The following GSTCD variants were observed in gnomAD, a reference collection of about 807,000 sequenced individuals.
The protein encoded by GSTCD is glutathione S-transferase C-terminal domain-containing protein.
In GSTCD, 44 loss-of-function variants were observed where a neutral mutation model predicts 68.3. The observed-to-expected ratio is 0.64, with a 90% CI of 0.51 to 0.83. The LOEUF (loss-of-function observed/expected upper bound fraction) is 0.83. Among genes scored for constraint, GSTCD ranks in the 40% least tolerant of loss-of-function variants. The probability of loss-of-function intolerance (pLI) is 0.00; values close to 1 mark genes in which losing one functional copy is unlikely to be tolerated. For missense variants in GSTCD, 739 were observed against 735.9 expected (o/e 1.00, Z -0.05); for synonymous variants, 273 against 255.2 (o/e 1.07, Z -0.67).
chr4:105,819,097 T>C (rs1723149802), intron 5 of GSTCD, among the ~76,000 whole-genome samples: 1 of 151,754 alleles, frequency 6.6e-6, no homozygotes, highest in African/African-American at 2.4e-5. Flanking sequence ...CAAGGCCATG[T>C]TTTCGGTAAG....
intron 5 of GSTCD, among the ~76,000 whole-genome samples, chr4:105,759,910 A>G (rs1734337400): frequency 6.6e-6 from 1 of 152,156 alleles, no homozygotes; most frequent in Non-Finnish European, 1.5e-5. Flanking sequence ...TTAGTTCCTC[A>G]AAGCCAATGT....
intron 5 of GSTCD, among the ~76,000 whole-genome samples, chr4:105,741,752 C>T (rs1733637918): frequency 6.6e-6 from 1 of 152,084 alleles, no homozygotes; most frequent in African/African-American, 2.4e-5. Flanking sequence ...ATAATTGGAT[C>T]ATCTTGTTTT....
intron 1 of GSTCD, among the ~76,000 whole-genome samples, chr4:105,714,637 A>AT (rs199647332): frequency 5.5e-4 from 82 of 148,730 alleles, no homozygotes; most frequent in Non-Finnish European, 6.9e-4. Flanking sequence ...AAGGAGAGTA[A>AT]TTTTTTTTTT....
At chr4:105,784,569 T>C (rs1406537855) in intron 5 of GSTCD, among the ~76,000 whole-genome samples, 1 of 152,230 alleles carries the variant, frequency 6.6e-6, no homozygotes, top group Non-Finnish European at 1.5e-5. Context: ...ATAGCATCCA[T>C]TGATGATTGT....
At chr4:105,714,905 G>A (rs535413791) in intron 1 of GSTCD, among the ~76,000 whole-genome samples, 53 of 152,138 alleles carry the variant, frequency 3.5e-4, no homozygotes, top group African/African-American at 8.2e-4. Context: ...GCCTTACAAC[G>A]TGGCAAATAT....
At chr4:105,711,003 A>G (rs1441094350) in intron 1 of GSTCD, 6 of 152,156 alleles carry the variant, frequency 3.9e-5, no homozygotes, top group African/African-American at 1.2e-4. Flanking sequence ...AAAAAATCTC[A>G]GTGTTTTTCT....
At chr4:105,799,741 A>T (rs1213127054) in intron 5 of GSTCD, among the ~76,000 whole-genome samples, 1 of 152,130 alleles carries the variant, frequency 6.6e-6, no homozygotes, top group Non-Finnish European at 1.5e-5. Context: ...AGAATTACCA[A>T]AATGTGACAC....
intron 3 of GSTCD, among the ~76,000 whole-genome samples, chr4:105,725,318 A>G (rs1732995957): frequency 6.6e-6 from 1 of 152,100 alleles, no homozygotes; most frequent in Non-Finnish European, 1.5e-5. Flanking sequence ...ATCTGTGTTC[A>G]GGTTTTTGTG....
At chr4:105,733,210 G>A (rs1733319154) in intron 5 of GSTCD, among the ~76,000 whole-genome samples, 1 of 152,134 alleles carries the variant, frequency 6.6e-6, no homozygotes, top group South Asian at 2.1e-4. Flanking sequence ...TGGTTTGCTT[G>A]GTGTGGAGCT....
Position 105,735,041 on chromosome 4 carries a change from G to A in GSTCD, c.1240+5542G>A, listed in dbSNP as rs147360485. 8.5e-3 allele frequency among the ~76,000 whole-genome samples: 1,289 copies of A among 152,310 alleles called. 17 individuals carry two copies. The highest frequency in any genetic ancestry group is 0.029 in the African/African-American group (1,194 of 41,572). ...TTGCTGCCTGATCATTCCTCTGGAA[G>A]CTTCGTCTCAGAGGGGTACCCGGCC... On this transcript the variant is annotated intron_variant, in intron 5 of 11. Coordinates refer to ENST00000515279, the MANE Select transcript of GSTCD (RefSeq NM_001370181.1).
chr4:105,821,526 A>C (rs1723291096), intron 5 of GSTCD, among the ~76,000 whole-genome samples: 1 of 151,970 alleles, frequency 6.6e-6, no homozygotes, highest in South Asian at 2.1e-4. Flanking sequence ...GTATTGACTT[A>C]AATATTCTTC....
chr4:105,715,257 G>T (rs911818313), intron 1 of GSTCD, among the ~76,000 whole-genome samples: 3 of 152,118 alleles, frequency 2.0e-5, no homozygotes, highest in African/African-American at 7.2e-5. Flanking sequence ...TAGCATAAAG[G>T]TGTTATATTA....
At chr4:105,775,813 G>A (rs889411846) in intron 5 of GSTCD, among the ~76,000 whole-genome samples, 2 of 151,216 alleles carry the variant, frequency 1.3e-5, no homozygotes, top group African/African-American at 4.8e-5. Flanking sequence ...CTCCCAGTCA[G>A]GAGGCACGGT....
At chr4:105,785,802 G>A (rs959356441) in intron 5 of GSTCD, among the ~76,000 whole-genome samples, 7 of 152,006 alleles carry the variant, frequency 4.6e-5, no homozygotes, top group African/African-American at 1.7e-4. Context: ...AAAAGAGAAG[G>A]GAGAAAACTA....
rs776264696 is a variant in GSTCD, at chr4:105,837,890, G to A, written c.1695+1G>A. 3.7e-6 allele frequency: 4 copies of A among 1,093,942 alleles called. No homozygotes were observed. Among genetic ancestry groups the A allele is most frequent in the Non-Finnish European group, 1.3e-6 (1 of 754,520 alleles). 67.8% of individuals were successfully genotyped at this position (1,093,942 alleles called of 1,614,324 possible). A position where few individuals can be genotyped will look rare whatever the true frequency, so the allele number is the denominator to read the frequency against. ...ATTCAAGAAAACTTTATCATACAAGGTAACCTTAAAAAGATCTAGATATCA... is the reference window on the plus strand; with the variant it reads ...ATTCAAGAAAACTTTATCATACAAGATAACCTTAAAAAGATCTAGATATCA... On this transcript the variant is annotated splice_donor_variant, in intron 10 of 11. Transcript: ENST00000515279. LOFTEE classifies it high-confidence loss of function.
intron 5 of GSTCD, among the ~76,000 whole-genome samples, chr4:105,742,736 A>T: frequency 7.0e-6 from 1 of 143,456 alleles, no homozygotes. Context: ...TTTCTTAGAG[A>T]CATGGTCTCA....
At chr4:105,776,631 C>T (rs553721623) in intron 5 of GSTCD, among the ~76,000 whole-genome samples, 10 of 152,276 alleles carry the variant, frequency 6.6e-5, no homozygotes, top group African/African-American at 2.4e-4. Context: ...TGAGGCAATG[C>T]CCCACCCTGC....
At chr4:105,749,674 A>C (rs1325104792) in intron 5 of GSTCD, among the ~76,000 whole-genome samples, 2 of 152,012 alleles carry the variant, frequency 1.3e-5, no homozygotes, top group Admixed American at 1.3e-4. Flanking sequence ...AAAATAGATC[A>C]TGGAATTAAA....
intron 3 of GSTCD, among the ~76,000 whole-genome samples, chr4:105,722,656 T>G (rs1732893511): frequency 6.6e-6 from 1 of 152,048 alleles, no homozygotes; most frequent in African/African-American, 2.4e-5. Flanking sequence ...CTTCTCTTTT[T>G]ATTCTGACAA....
Sources: allele counts gnomAD v4.1 joint callset (sites outside exome capture counted in the v4.1 genomes callset), GRCh38; gene constraint gnomAD v4.1.1; transcripts MANE v1.5; gene names NCBI Gene and HGNC (gene_info 2026-07-23, HGNC 2026-07-21).